Variants in RTF2 observed in about 807,000 individuals in gnomAD.
RTF2 encodes the protein replication termination factor 2.
In RTF2, 18 loss-of-function variants were observed where a neutral mutation model predicts 38.0. The observed-to-expected ratio is 0.47, with a 90% CI of 0.33 to 0.70. The LOEUF (loss-of-function observed/expected upper bound fraction) is 0.70. RTF2 is among the 30% of genes least tolerant of loss of function. The pLI is 0.02. For synonymous variants in RTF2, 126 were observed against 137.1 expected, an observed-to-expected ratio of 0.92 and a Z score of 0.57; for missense variants, 311 against 379.6, an observed-to-expected ratio of 0.82 and a Z score of 1.50.
intron 4 of RTF2, among the ~76,000 whole-genome samples, chr20:56,478,648 G>T (rs1407032087): frequency 6.6e-6 from 1 of 152,200 alleles, no homozygotes; most frequent in East Asian, 1.9e-4. Context: ...TGCTGGTGGA[G>T]CCTTGATGTT....
chr20:56,495,320 A>T, intron 5 of RTF2: 1 of 1,518,690 alleles, frequency 6.6e-7, no homozygotes, highest in Non-Finnish European at 9.0e-7. Context: ...CAAAACCAGC[A>T]TTCAGTGTGG....
chr20:56,477,434 G>T (rs1304578538), intron 4 of RTF2, among the ~76,000 whole-genome samples: 1 of 152,194 alleles, frequency 6.6e-6, no homozygotes, highest in Non-Finnish European at 1.5e-5. Context: ...TTAGTTCTTA[G>T]ATCATCTTTT....
At chr20:56,506,919 C>T (rs1444973238) in intron 5 of RTF2, among the ~76,000 whole-genome samples, 1 of 152,092 alleles carries the variant, frequency 6.6e-6, no homozygotes, top group Non-Finnish European at 1.5e-5. Flanking sequence ...CCAGGATGGT[C>T]TCGATCTCTT....
At position 56,484,173 on chromosome 20, in the gene RTF2, C is replaced by T. The variant is rs758748616; in HGVS notation, c.461C>T (p.Ala154Val). The change falls in exon 5 of 9, where the codon GCG becomes GTG. Residue 154 changes from alanine to valine, a missense_variant. Ala to Val is a moderately conservative substitution (Grantham distance 64). Transcript: ENST00000357348. ...FSERALKEIK[A>V]EVCHTCGAAF... is the part of the protein sequence containing the mutation. ...GAGCGAGCCTTGAAAGAGATAAAAG[C>T]GGAAGTTTGCCACACGGTGAGTTCC... 10 of 1,613,884 alleles carry T rather than the reference C, an allele frequency of 6.2e-6. No individual in the cohort carries two copies. The highest frequency in any genetic ancestry group is 8.5e-6 in the Non-Finnish European group (10 of 1,179,892).
chr20:56,497,472 C>G, intron 5 of RTF2: 3 of 1,512,116 alleles, frequency 2.0e-6, no homozygotes, highest in Non-Finnish European at 2.7e-6. Context: ...TGGGTAAAAG[C>G]CACATTCTAC....
At chr20:56,506,019 T>C (rs1984245868) in intron 5 of RTF2, among the ~76,000 whole-genome samples, 1 of 152,222 alleles carries the variant, frequency 6.6e-6, no homozygotes. Flanking sequence ...ACATACGACG[T>C]GATGGGCACC....
chr20:56,513,293 C>G, intron 5 of RTF2, 22 bp from the exon 6 acceptor site: 1 of 1,573,554 alleles, frequency 6.4e-7, no homozygotes, highest in Non-Finnish European at 8.6e-7. Flanking sequence ...GGAATCTGCC[C>G]TCTCTTGTTT....
intron 5 of RTF2, chr20:56,497,167 T>A: frequency 1.9e-6 from 3 of 1,551,192 alleles, no homozygotes; most frequent in Non-Finnish European, 1.7e-6. Flanking sequence ...TTATACTTCA[T>A]TGGGGCCTTT....
chr20:56,486,771 T>C (rs1487527955), intron 5 of RTF2, among the ~76,000 whole-genome samples: 1 of 152,190 alleles, frequency 6.6e-6, no homozygotes, highest in East Asian at 1.9e-4. Flanking sequence ...TGGCTGAAGT[T>C]TGCAAAACAC....
At chr20:56,513,620 G>T (rs1253297260) in intron 6 of RTF2, among the ~76,000 whole-genome samples, 192 bp downstream of exon 6, 7 of 152,168 alleles carry the variant, frequency 4.6e-5, no homozygotes, top group African/African-American at 1.7e-4. Flanking sequence ...GAGCACGGCG[G>T]CTCTGCTCTT....
At chr20:56,474,625 T>C (rs915536316) in intron 2 of RTF2, 53 bp from the exon 3 acceptor site, 2 of 1,136,212 alleles carry the variant, frequency 1.8e-6, no homozygotes, top group African/African-American at 3.1e-5. Flanking sequence ...CTTCCTTCTT[T>C]GGTTATTTGA....
At chr20:56,496,920 A>T in intron 5 of RTF2, 13 of 1,551,662 alleles carry the variant, frequency 8.4e-6, no homozygotes, top group Non-Finnish European at 1.0e-5. Context: ...TCCAGGAGTA[A>T]TATTTTTATC....
At chr20:56,478,713 G>A (rs1222182781) in intron 4 of RTF2, among the ~76,000 whole-genome samples, 1 of 152,134 alleles carries the variant, frequency 6.6e-6, no homozygotes, top group African/African-American at 2.4e-5. Flanking sequence ...GAAGGTTCGG[G>A]TGGCTGTAGC....
chr20:56,497,690 T>G, intron 5 of RTF2: 1 of 1,072,178 alleles, frequency 9.3e-7, no homozygotes, highest in Non-Finnish European at 1.2e-6. Context: ...ACAGATACAA[T>G]TTAGGGTGTT....
intron 3 of RTF2, 147 bp from the exon 4 acceptor site, chr20:56,476,838 A>G (rs1158165264): frequency 2.8e-6 from 2 of 721,014 alleles, no homozygotes; most frequent in Non-Finnish European, 4.7e-6. Context: ...TATTATATCC[A>G]TGTTTCTTAT....
intron 5 of RTF2, among the ~76,000 whole-genome samples, chr20:56,490,985 G>A (rs955097894): frequency 3.3e-5 from 5 of 152,226 alleles, no homozygotes; most frequent in African/African-American, 1.2e-4. Context: ...GAAGGTGCTA[G>A]GAGACGACAT....
chr20:56,474,923 T>A, intron 3 of RTF2, 152 bp downstream of exon 3: 1 of 490,950 alleles, frequency 2.0e-6, no homozygotes, highest in Non-Finnish European at 3.6e-6. Context: ...AGAGGTCACT[T>A]AAATCTCAAG....
At position 56,478,006 on chromosome 20, in the gene RTF2, G is replaced by A. The variant is rs538872054; in HGVS notation, c.398+882G>A. Among the ~76,000 whole-genome samples, 51 of 152,250 alleles carry A rather than the reference G, an allele frequency of 3.3e-4. 1 individual carries two copies. In the South Asian group the frequency reaches 0.01, roughly 30 times the overall value. On this transcript the variant is annotated intron_variant, in intron 4 of 8. Coordinates refer to ENST00000357348, the MANE Select transcript of RTF2 (RefSeq NM_016407.5). Reference sequence around the variant, plus strand: ...ATTTTCCTCTTTAAAAAATACGGACGGTTGAATGGGTTAGTACATGCTTTT... The same window carrying A: ...ATTTTCCTCTTTAAAAAATACGGACAGTTGAATGGGTTAGTACATGCTTTT...
chr20:56,468,724 C>A lies in RTF2; in HGVS notation c.27C>A (p.Pro9=). The change falls in exon 1 of 9, where the codon CCC becomes CCA. Residue 9 remains proline (P), a synonymous_variant. Transcript: ENST00000357348. ...TGGGTTGCGACGGGGGAACAATCCC[C>A]AAGAGGCATGAACTGGTGAAGGGGC... MGCDGGTI[P]KRHELVKGPK... is the part of the protein sequence containing the mutation. 1 of 1,589,940 alleles carries A rather than the reference C, an allele frequency of 6.3e-7. No homozygotes were observed. Among genetic ancestry groups the A allele is most frequent in the Non-Finnish European group, 8.6e-7 (1 of 1,168,320 alleles).
Sources: gnomAD v4.1 joint callset for allele counts (sites outside exome capture counted in the v4.1 genomes callset) on GRCh38, gnomAD v4.1.1 for gene constraint, MANE v1.5 for transcripts, NCBI Gene and HGNC (gene_info 2026-07-23, HGNC 2026-07-21) for gene names.